NUDT3: variants seen among roughly 807,000 people sequenced by gnomAD.
The protein encoded by NUDT3 is nudix hydrolase 3.
Under a neutral mutation model 23.6 loss-of-function variants are expected in NUDT3, and 9 were observed. That is an observed-to-expected ratio of 0.38 (90% CI 0.23 to 0.66). The LOEUF (loss-of-function observed/expected upper bound fraction) is 0.66, where lower values mean the gene tolerates loss of function less well. NUDT3 is among the 30% of genes least tolerant of loss of function. The pLI is 0.52. For synonymous variants in NUDT3, 86 were observed against 82.6 expected (o/e 1.04, Z -0.22); for missense variants, 172 against 218.5 (o/e 0.79, Z 1.34).
At chr6:34,350,723 T>TA (rs1263912410) in intron 1 of NUDT3, among the ~76,000 whole-genome samples, 3 of 150,170 alleles carry the variant, frequency 2.0e-5, no homozygotes, top group African/African-American at 5.0e-5. Context: ...ACAGAGGAAC[T>TA]AAAAAAAATG....
chr6:34,300,407 G>T (rs1309881379), intron 2 of NUDT3, among the ~76,000 whole-genome samples: 1 of 152,168 alleles, frequency 6.6e-6, no homozygotes. Context: ...TGGGGGTTGT[G>T]GTGTACTTTG....
At chr6:34,374,620 A>G (rs1274168228) in intron 1 of NUDT3, among the ~76,000 whole-genome samples, 2 of 152,050 alleles carry the variant, frequency 1.3e-5, no homozygotes, top group African/African-American at 4.8e-5. Flanking sequence ...GTCCTTTCGC[A>G]CTGTGTCTGA....
At chr6:34,386,857 G>A (rs1045454953) in intron 1 of NUDT3, among the ~76,000 whole-genome samples, 54 of 152,222 alleles carry the variant, frequency 3.5e-4, no homozygotes, top group African/African-American at 1.2e-3. Context: ...GCTCATGCCT[G>A]TAATCCCAGC....
intron 2 of NUDT3, among the ~76,000 whole-genome samples, chr6:34,317,231 G>A (rs1763875556): frequency 6.6e-6 from 1 of 152,138 alleles, no homozygotes; most frequent in Admixed American, 6.5e-5. Flanking sequence ...CTGAGTTTCA[G>A]ATGGCTACTG....
At chr6:34,371,600 A>G (rs912440217) in intron 1 of NUDT3, among the ~76,000 whole-genome samples, 1 of 152,180 alleles carries the variant, frequency 6.6e-6, no homozygotes, top group Non-Finnish European at 1.5e-5. Flanking sequence ...TGAAACCATT[A>G]GAGGTAACAG....
intron 2 of NUDT3, among the ~76,000 whole-genome samples, chr6:34,324,011 A>G (rs1237227487): frequency 6.6e-6 from 1 of 151,452 alleles, no homozygotes; most frequent in African/African-American, 2.4e-5. Context: ...AAACTTGGCT[A>G]CACTAATACA....
intron 2 of NUDT3, among the ~76,000 whole-genome samples, chr6:34,296,572 G>A (rs967743545): frequency 2.0e-5 from 3 of 151,812 alleles, no homozygotes; most frequent in Non-Finnish European, 2.9e-5. Flanking sequence ...AGACCCTGTC[G>A]GTAAATACAT....
At chr6:34,311,373 T>A (rs551056580) in intron 2 of NUDT3, among the ~76,000 whole-genome samples, 31 of 152,136 alleles carry the variant, frequency 2.0e-4, no homozygotes, top group Non-Finnish European at 4.0e-4. Context: ...GGTATAAATT[T>A]AAAACACACA....
chr6:34,347,622 G>A (rs1268341756), intron 1 of NUDT3, among the ~76,000 whole-genome samples: 1 of 152,188 alleles, frequency 6.6e-6, no homozygotes, highest in Admixed American at 6.5e-5. Flanking sequence ...ACCTAATGAA[G>A]GGAGGGAGAA....
At chr6:34,343,386 CAAAAA>C (rs571227862) in intron 1 of NUDT3, among the ~76,000 whole-genome samples, 1 of 71,274 alleles carries the variant, frequency 1.4e-5, no homozygotes, top group Non-Finnish European at 2.9e-5. Flanking sequence ...CTCGTCTCTA[CAAAAA>C]AAAAAAAAAA....
chr6:34,380,080 T>C (rs1303494718), intron 1 of NUDT3, among the ~76,000 whole-genome samples: 3 of 151,912 alleles, frequency 2.0e-5, no homozygotes, highest in Non-Finnish European at 2.9e-5. Context: ...TTTTATCTAT[T>C]TATTTATTTA....
intron 2 of NUDT3, among the ~76,000 whole-genome samples, chr6:34,321,003 A>G (rs1763933508): frequency 6.6e-6 from 1 of 152,162 alleles, no homozygotes; most frequent in Non-Finnish European, 1.5e-5. Context: ...TCTAGGTGGC[A>G]AAAGGATAGG....
intron 1 of NUDT3, among the ~76,000 whole-genome samples, chr6:34,369,572 T>G (rs6933172): frequency 1.3e-5 from 2 of 152,120 alleles, no homozygotes. Context: ...CAAACAGCGA[T>G]AGGTACTAGG....
rs1458185830 is a variant in NUDT3, at chr6:34,311,406, AC to A, written c.211-15722del. Among the ~76,000 whole-genome samples the A allele has an allele frequency of 9.8e-5, 15 of 152,318 alleles. No individual in the cohort carries two copies. The South Asian group carries it at 2.1e-3, about 21-fold the overall frequency. ...ACATGTACAAGATCTATATAAAAAA[AC>A]CACAAAACTTTCAGATATCAAAGAA... On this transcript the variant is annotated intron_variant, in intron 2 of 4. Coordinates refer to ENST00000607016, the MANE Select transcript of NUDT3 (RefSeq NM_006703.4).
chr6:34,302,958 C>G (rs993739219), intron 2 of NUDT3, among the ~76,000 whole-genome samples: 3 of 152,178 alleles, frequency 2.0e-5, no homozygotes, highest in African/African-American at 7.2e-5. Context: ...ATGATTTTAA[C>G]TAATACAACT....
At chr6:34,373,543 G>C (rs1764871609) in intron 1 of NUDT3, among the ~76,000 whole-genome samples, 1 of 152,068 alleles carries the variant, frequency 6.6e-6, no homozygotes, top group African/African-American at 2.4e-5. Flanking sequence ...GGGCTCAAAA[G>C]AGGCTATTTT....
intron 2 of NUDT3, among the ~76,000 whole-genome samples, chr6:34,319,159 T>C (rs1024233561): frequency 1.3e-5 from 2 of 152,126 alleles, no homozygotes; most frequent in South Asian, 4.1e-4. Context: ...TGTAACAAAA[T>C]GTGTGGAGGT....
At chr6:34,338,065 T>G (rs558689943) in intron 2 of NUDT3, among the ~76,000 whole-genome samples, 1 of 152,360 alleles carries the variant, frequency 6.6e-6, no homozygotes, top group South Asian at 2.1e-4. Context: ...AAGGTTCTGG[T>G]GCCCTCAGGC....
chr6:34,290,401 CTTTT>C (rs952499361), intron 4 of NUDT3, among the ~76,000 whole-genome samples: 4 of 107,316 alleles, frequency 3.7e-5, no homozygotes, highest in Non-Finnish European at 3.8e-5. Flanking sequence ...GCTGCTGCTT[CTTTT>C]TTTTTTTTTT....
Sources: allele counts gnomAD v4.1 joint callset (sites outside exome capture counted in the v4.1 genomes callset), GRCh38; gene constraint gnomAD v4.1.1; transcripts MANE v1.5; gene names NCBI Gene and HGNC (gene_info 2026-07-23, HGNC 2026-07-21).